The following ANTXR2 variants were observed in gnomAD, a reference collection of about 807,000 sequenced individuals.
ANTXR2 encodes anthrax toxin receptor 2.
In ANTXR2, 44 loss-of-function variants were observed where a neutral mutation model predicts 73.7. The ratio of observed to expected loss-of-function variants is 0.60; its 90% CI spans 0.47 to 0.77. The LOEUF (loss-of-function observed/expected upper bound fraction) is 0.77. Among genes scored for constraint, ANTXR2 ranks in the 30% least tolerant of loss-of-function variants. ANTXR2 has a pLI of 0.00. For missense variants in ANTXR2, 604 were observed against 592.5 expected, an observed-to-expected ratio of 1.02 and a Z score of -0.20; for synonymous variants, 217 against 205.9, an observed-to-expected ratio of 1.05 and a Z score of -0.46.
intron 16 of ANTXR2, among the ~76,000 whole-genome samples, chr4:79,949,432 A>G (rs570351095): frequency 2.0e-5 from 3 of 152,314 alleles, no homozygotes; most frequent in Non-Finnish European, 4.4e-5. Context: ...GGGTGACCAT[A>G]CTGTCATAAT....
At chr4:80,051,182 T>C (rs1042320084) in intron 7 of ANTXR2, among the ~76,000 whole-genome samples, 5 of 151,740 alleles carry the variant, frequency 3.3e-5, no homozygotes, top group Non-Finnish European at 7.4e-5. Context: ...CCTTACACTA[T>C]AGGCATATTG....
intron 16 of ANTXR2, among the ~76,000 whole-genome samples, chr4:79,910,703 CT>C (rs1483489103): frequency 2.0e-5 from 3 of 151,934 alleles, no homozygotes; most frequent in African/African-American, 7.3e-5. Context: ...CAGACCTCCA[CT>C]GGTGGTGGAG....
At chr4:80,044,496 T>A (rs1733423735) in intron 7 of ANTXR2, among the ~76,000 whole-genome samples, 1 of 151,886 alleles carries the variant, frequency 6.6e-6, no homozygotes, top group Admixed American at 6.6e-5. Flanking sequence ...TCCAAGATAA[T>A]AATTTATCAT....
chr4:79,997,330 C>CAA (rs145607451), intron 12 of ANTXR2, among the ~76,000 whole-genome samples: 37 of 151,072 alleles, frequency 2.4e-4, no homozygotes, highest in Middle Eastern at 3.4e-3. Flanking sequence ...TTGCCAGTGA[C>CAA]AAAAAAAATG....
chr4:79,930,871 T>C lies in ANTXR2; in HGVS notation c.1429-23404A>G, dbSNP rs186397739. ...TATTTTTACTGATTGGAGAATTATT[T>C]ATCTATTTATTTCCGCTTACAGCTC... On this transcript the variant is annotated intron_variant, in intron 16 of 16. Coordinates refer to ENST00000403729, the MANE Select transcript of ANTXR2 (RefSeq NM_058172.6). Among the ~76,000 whole-genome samples, 57 of 152,360 alleles carry C rather than the reference T, an allele frequency of 3.7e-4. 1 individual carries two copies. The highest frequency in any genetic ancestry group is 3.6e-3 in the Admixed American group (55 of 15,312).
chr4:80,008,411 T>C (rs1398652348), intron 12 of ANTXR2, 110 bp downstream of exon 12: 4 of 749,250 alleles, frequency 5.3e-6, no homozygotes, highest in Non-Finnish European at 8.4e-6. Flanking sequence ...AAAATTCATT[T>C]TGCAAACTGA....
intron 16 of ANTXR2, among the ~76,000 whole-genome samples, chr4:79,958,408 ATGAAAAG>A (rs1729006173): frequency 6.6e-6 from 1 of 152,166 alleles, no homozygotes; most frequent in Non-Finnish European, 1.5e-5. Context: ...ATGCCAGAGC[ATGAAAAG>A]TGTATTAAGA....
rs1261528944 is a variant in ANTXR2, at chr4:80,055,443, C to T, written c.403G>A (p.Gly135Arg). 1 of 1,610,408 alleles carries T rather than the reference C, an allele frequency of 6.2e-7. No individual in the cohort carries two copies. The highest frequency in any genetic ancestry group is 8.5e-7 in the Non-Finnish European group (1 of 1,178,022). ...KLANEQIQKA[G>R]GLKTSSIIIA... ...ATGATACTGGAGGTTTTCAAGCCTC[C>T]TGCTTTCTGAATTTGTTCATTCGCC... Residue 135 changes from glycine (G) to arginine (R), a missense_variant, in exon 5 of 17, where the codon GGA becomes AGA. Transcript: ENST00000403729.
At chr4:80,002,567 A>C (rs1731098601) in intron 12 of ANTXR2, among the ~76,000 whole-genome samples, 2 of 152,092 alleles carry the variant, frequency 1.3e-5, no homozygotes, top group South Asian at 2.1e-4. Context: ...AACGGGATCT[A>C]ATTAAACTAA....
At chr4:79,964,611 T>C (rs1433018072) in intron 16 of ANTXR2, 3 of 152,264 alleles carry the variant, frequency 2.0e-5, no homozygotes, top group Non-Finnish European at 2.9e-5. Flanking sequence ...TTAGATCTCT[T>C]ATTTGTGCCT....
At chr4:80,052,635 G>C (rs928622442) in intron 7 of ANTXR2, among the ~76,000 whole-genome samples, 1 of 151,558 alleles carries the variant, frequency 6.6e-6, no homozygotes, top group African/African-American at 2.4e-5. Context: ...CTATACCCAT[G>C]ATCTCCCTCC....
chr4:80,069,247 T>C (rs1734669794), intron 3 of ANTXR2, among the ~76,000 whole-genome samples, 189 bp downstream of exon 3: 1 of 152,202 alleles, frequency 6.6e-6, no homozygotes, highest in African/African-American at 2.4e-5. Flanking sequence ...CCACTATAAA[T>C]GATATTGATT....
chr4:80,040,554 T>C (rs1357244558), intron 7 of ANTXR2, among the ~76,000 whole-genome samples: 3 of 152,096 alleles, frequency 2.0e-5, no homozygotes, highest in Non-Finnish European at 4.4e-5. Context: ...TATGTTTCAA[T>C]AGTAAAAGAA....
In ANTXR2 at chr4:79,912,216, C is replaced by G. The variant is rs112935332; in HGVS notation, c.1429-4749G>C. On this transcript the variant is annotated intron_variant, in intron 16 of 16. Transcript: ENST00000403729. ...TTTTATCACTGACTTTATGCTATAG[C>G]GAAATACATTTAAAGTACATTAATT... Among the ~76,000 whole-genome samples, 549 of 151,658 alleles carry G rather than the reference C, an allele frequency of 3.6e-3. 6 individuals carry two copies. The highest frequency in any genetic ancestry group is 5.3e-3 in the Non-Finnish European group (360 of 67,754).
intron 10 of ANTXR2, among the ~76,000 whole-genome samples, chr4:80,021,701 T>A (rs1732172517): frequency 6.6e-6 from 1 of 152,136 alleles, no homozygotes; most frequent in South Asian, 2.1e-4. Context: ...GCTGATATGA[T>A]CTTGTAACCG....
At chr4:79,988,309 T>C (rs1429423658) in intron 12 of ANTXR2, among the ~76,000 whole-genome samples, 1 of 131,848 alleles carries the variant, frequency 7.6e-6, no homozygotes, top group African/African-American at 2.9e-5. Context: ...TAGAGAACGA[T>C]CACTCAAGCA....
At chr4:80,018,441 T>C (rs1266792567) in intron 11 of ANTXR2, among the ~76,000 whole-genome samples, 1 of 152,134 alleles carries the variant, frequency 6.6e-6, no homozygotes, top group African/African-American at 2.4e-5. Context: ...AAAGTCAACT[T>C]CCTCATTCAG....
In ANTXR2 at chr4:80,056,020, A is replaced by G; in HGVS notation, c.297-7T>C. 6.5e-7 allele frequency: 1 copy of G among 1,534,148 alleles called. No individual in the cohort carries two copies. The highest frequency in any genetic ancestry group is 1.3e-5 in the South Asian group (1 of 79,524). On this transcript the variant is annotated splice_region_variant and splice_polypyrimidine_tract_variant and intron_variant, in intron 3 of 16. Coordinates refer to ENST00000403729, the MANE Select transcript of ANTXR2 (RefSeq NM_058172.6). ...GCCTTTACTGATTTTGCCTCTGAAAATAATATTAAACAAAAGAAAAAATGA... is the reference window on the plus strand; with the variant it reads ...GCCTTTACTGATTTTGCCTCTGAAAGTAATATTAAACAAAAGAAAAAATGA...
chr4:79,965,269 C>T (rs1452552505), intron 16 of ANTXR2, among the ~76,000 whole-genome samples: 1 of 152,256 alleles, frequency 6.6e-6, no homozygotes, highest in East Asian at 1.9e-4. Context: ...AGATTGTTTT[C>T]CTAGGTAGAA....
Sources: gnomAD v4.1 joint callset for allele counts (sites outside exome capture counted in the v4.1 genomes callset) on GRCh38, gnomAD v4.1.1 for gene constraint, MANE v1.5 for transcripts, NCBI Gene and HGNC (gene_info 2026-07-23, HGNC 2026-07-21) for gene names.